RYR2: variants seen among roughly 807,000 people sequenced by gnomAD.
RYR2 encodes the protein ryanodine receptor 2.
RYR2 carries 227 observed loss-of-function variants against 601.1 expected under a neutral mutation model. The observed-to-expected ratio is 0.38, with a 90% confidence interval of 0.34 to 0.42. The LOEUF is 0.42. Among genes scored for constraint, RYR2 ranks in the 10% least tolerant of loss-of-function variants. The pLI, the probability that RYR2 is intolerant of heterozygous loss-of-function variation, is 1.00. For synonymous variants in RYR2, 2,223 were observed against 2,175.1 expected (o/e 1.02, Z -0.61); for missense variants, 4,646 against 6,156.5 (o/e 0.75, Z 8.21).
intron 3 of RYR2, among the ~76,000 whole-genome samples, chr1:237,335,445 A>C (rs1697154009): frequency 6.6e-6 from 1 of 152,188 alleles, no homozygotes; most frequent in Admixed American, 6.5e-5. Context: ...ATTTACTGAA[A>C]GTTCTTTTTC....
chr1:237,368,789 T>C (rs1700400660), intron 5 of RYR2, among the ~76,000 whole-genome samples: 1 of 150,186 alleles, frequency 6.7e-6, no homozygotes, highest in Admixed American at 6.7e-5. Flanking sequence ...TACTCATTCG[T>C]TGAATCAACG....
chr1:237,168,779 C>T (rs1376234722), intron 1 of RYR2, among the ~76,000 whole-genome samples: 1 of 152,210 alleles, frequency 6.6e-6, no homozygotes, highest in Non-Finnish European at 1.5e-5. Flanking sequence ...GAATGCTCTA[C>T]ATTGTCTGTA....
At chr1:237,645,115 A>G (rs1047825756) in intron 48 of RYR2, among the ~76,000 whole-genome samples, 3 of 152,288 alleles carry the variant, frequency 2.0e-5, no homozygotes, top group Admixed American at 6.5e-5. Context: ...ATGCCCCTAG[A>G]GAAGGCAGGC....
chr1:237,610,847 T>A lies in RYR2; in HGVS notation c.4769T>A (p.Phe1590Tyr), dbSNP rs752359471. 2.5e-6 allele frequency: 4 copies of A among 1,613,416 alleles called. No individual in the cohort carries two copies. Among genetic ancestry groups the A allele is most frequent in the Non-Finnish European group, 3.4e-6 (4 of 1,179,698 alleles). Reference protein sequence around the residue: ...PQCPPRLHVQFLSHVLWSRMP... With the variant: ...PQCPPRLHVQYLSHVLWSRMP... ...TGCCCCCCGCGCCTCCACGTGCAGTTCCTGTCACACGTCCTGTGGAGCAGA... is the reference window on the plus strand; with the variant it reads ...TGCCCCCCGCGCCTCCACGTGCAGTACCTGTCACACGTCCTGTGGAGCAGA... Residue 1590 changes from phenylalanine (F) to tyrosine (Y), a missense_variant, in exon 36 of 105, where the codon TTC becomes TAC. By Grantham distance (22) the Phe-to-Tyr change is conservative. Around this residue, in one of 17 missense-constraint regions of RYR2, gnomAD observed 1,807 missense variants for 2,088.1 expected, o/e 0.87. Coordinates refer to ENST00000366574, the MANE Select transcript of RYR2 (RefSeq NM_001035.3). The surrounding 1 kb of genome is among the most constrained non-coding windows in gnomAD (Gnocchi z 4.9).
chr1:237,788,130 C>CTTCTAGTAAGATGTT lies in RYR2; in HGVS notation c.13474_13476+12dup. On this transcript the variant is annotated inframe_insertion, in exon 92 of 105. Coordinates refer to ENST00000366574, the MANE Select transcript of RYR2 (RefSeq NM_001035.3). ...GAAAATCATAGCATATCAACAGAAA[C>CTTCTAGTAAGATGTT]TTCTAGTAAGATGTTTTAGAATGAA... is the stretch of plus-strand genomic sequence containing the variant. 1 of 1,608,528 alleles carries CTTCTAGTAAGATGTT rather than the reference C, an allele frequency of 6.2e-7. No individual in the cohort carries two copies. The highest frequency in any genetic ancestry group is 8.5e-7 in the Non-Finnish European group (1 of 1,176,838).
At chr1:237,503,686 A>G (rs1185856022) in intron 22 of RYR2, among the ~76,000 whole-genome samples, 181 bp downstream of exon 22, 1 of 151,860 alleles carries the variant, frequency 6.6e-6, no homozygotes, top group African/African-American at 2.4e-5. Flanking sequence ...CCACTCACTC[A>G]TTTTCTATTC....
intron 1 of RYR2, among the ~76,000 whole-genome samples, chr1:237,066,923 C>T (rs1366352058): frequency 2.0e-5 from 3 of 152,176 alleles, no homozygotes; most frequent in African/African-American, 7.2e-5. Flanking sequence ...AGGCGTGAGC[C>T]ACCGCGCCCG....
At chr1:237,397,776 C>T (rs1702996648) in intron 10 of RYR2, among the ~76,000 whole-genome samples, 1 of 149,858 alleles carries the variant, frequency 6.7e-6, no homozygotes, top group Non-Finnish European at 1.5e-5. Flanking sequence ...GGCTGGAGTG[C>T]AGTGGCGCCA....
At position 237,159,251 on chromosome 1, in the gene RYR2, G is replaced by A. The variant is rs551654374; in HGVS notation, c.49-111246G>A. 1.4e-4 allele frequency among the ~76,000 whole-genome samples: 21 copies of A among 151,938 alleles called. No homozygotes were observed. In the South Asian group the frequency reaches 3.1e-3, roughly 23 times the overall value. On this transcript the variant is annotated intron_variant, in intron 1 of 104. Coordinates refer to ENST00000366574, the MANE Select transcript of RYR2 (RefSeq NM_001035.3). ...GGTTCCAGTGAGCCGAGATCATGCC[G>A]TTGCACTCCAGCCTGGGCAACAAGA... is the stretch of plus-strand genomic sequence containing the variant.
chr1:237,594,680 A>G (rs1293352621), intron 33 of RYR2, among the ~76,000 whole-genome samples: 2 of 152,008 alleles, frequency 1.3e-5, no homozygotes, highest in Non-Finnish European at 2.9e-5. Flanking sequence ...TGATTACTCA[A>G]AAACTGATTT....
At position 237,440,724 on chromosome 1, in the gene RYR2, C is replaced by A. The variant is rs374965816; in HGVS notation, c.1006-595C>A. ...AAATAAATAATCATTTTAATAGGTT[C>A]ATTAACAATCGTTGTCACCGTTATT... On this transcript the variant is annotated intron_variant, in intron 12 of 104. Transcript: ENST00000366574. Among the ~76,000 whole-genome samples, 21 of 152,098 alleles carry A rather than the reference C, an allele frequency of 1.4e-4. No individual in the cohort carries two copies. The East Asian group carries it at 3.7e-3, about 27-fold the overall frequency.
intron 76 of RYR2, among the ~76,000 whole-genome samples, chr1:237,729,874 G>A (rs755538572): frequency 1.3e-5 from 2 of 152,072 alleles, no homozygotes; most frequent in Non-Finnish European, 2.9e-5. Flanking sequence ...ATTGCTTATC[G>A]AGAGACATGT....
chr1:237,790,603 C>T (rs1573962671), intron 92 of RYR2, among the ~76,000 whole-genome samples: 1 of 151,990 alleles, frequency 6.6e-6, no homozygotes, highest in African/African-American at 2.4e-5. Flanking sequence ...TATAGATAAT[C>T]AACATAATAA....
intron 1 of RYR2, among the ~76,000 whole-genome samples, chr1:237,207,298 G>T (rs897748428): frequency 2.0e-5 from 3 of 152,248 alleles, no homozygotes; most frequent in Non-Finnish European, 4.4e-5. Flanking sequence ...AGGCACGGCG[G>T]CTCACGCCTA....
intron 11 of RYR2, among the ~76,000 whole-genome samples, chr1:237,417,962 G>T (rs1252761435): frequency 6.6e-6 from 1 of 152,134 alleles, no homozygotes; most frequent in Non-Finnish European, 1.5e-5. Context: ...GGGCTTTAAA[G>T]ACATTATTGA....
At chr1:237,611,399 A>G (rs1677851843) in intron 36 of RYR2, among the ~76,000 whole-genome samples, 1 of 152,208 alleles carries the variant, frequency 6.6e-6, no homozygotes, top group African/African-American at 2.4e-5. Context: ...CCTTCATTTT[A>G]TAGATGTAAA....
chr1:237,761,062 C>A (rs1196446277), intron 84 of RYR2, 34 bp downstream of exon 84: 2 of 1,180,058 alleles, frequency 1.7e-6, no homozygotes, highest in South Asian at 1.3e-5. Context: ...GATCACCTGT[C>A]TCCCTTCCCT....
chr1:237,060,150 C>A (rs1287200396), intron 1 of RYR2, among the ~76,000 whole-genome samples: 1 of 152,142 alleles, frequency 6.6e-6, no homozygotes, highest in Non-Finnish European at 1.5e-5. Flanking sequence ...TAAATGCTGG[C>A]TGAAAGCTCT....
chr1:237,341,739 T>C (rs1004064734), intron 3 of RYR2: 2 of 469,840 alleles, frequency 4.3e-6, no homozygotes, highest in African/African-American at 2.0e-5. Context: ...CTGTTTCTGC[T>C]ACTGTAGTAA....
Sources: allele counts gnomAD v4.1 joint callset (sites outside exome capture counted in the v4.1 genomes callset), GRCh38; gene constraint gnomAD v4.1.1; regional missense constraint gnomAD v4.1.1; non-coding constraint Gnocchi (gnomAD v3.1); transcripts MANE v1.5; gene names NCBI Gene and HGNC (gene_info 2026-07-23, HGNC 2026-07-21).